PCDH15: variants seen among roughly 807,000 people sequenced by gnomAD.
PCDH15 encodes the protein protocadherin related 15, also known as protocadherin-15.
PCDH15 carries 129 observed loss-of-function variants against 178.5 expected under a neutral mutation model. That is an observed-to-expected ratio of 0.72 (90% CI 0.63 to 0.84). PCDH15 has a LOEUF of 0.84. Ranked by LOEUF, PCDH15 falls within the 40% of genes least tolerant of loss-of-function variation. The pLI is 0.00. For synonymous variants in PCDH15, 800 were observed against 732.0 expected (o/e 1.09, Z -1.50); for missense variants, 2,230 against 2,099.9 (o/e 1.06, Z -1.21).
chr10:55,593,974 G>A (rs961094831), intron 2 of PCDH15, among the ~76,000 whole-genome samples: 3 of 151,844 alleles, frequency 2.0e-5, no homozygotes, highest in African/African-American at 7.2e-5. Context: ...ATAGGAATTA[G>A]ATGTCAGACA....
At chr10:55,578,801 T>C (rs1842547748) in intron 2 of PCDH15, among the ~76,000 whole-genome samples, 1 of 152,088 alleles carries the variant, frequency 6.6e-6, no homozygotes, top group Non-Finnish European at 1.5e-5. Flanking sequence ...GCAAAAAAGA[T>C]AGTGTGCAGG....
At position 54,138,904 on chromosome 10, in the gene PCDH15, G is replaced by GT. The variant is rs370708653; in HGVS notation, c.1785-5898dup. Among the ~76,000 whole-genome samples, 481 of 150,724 alleles carry GT rather than the reference G, an allele frequency of 3.2e-3. 1 individual carries two copies. The highest frequency in any genetic ancestry group is 4.5e-3 in the Non-Finnish European group (303 of 67,600). On this transcript the variant is annotated intron_variant, in intron 14 of 37. Transcript: ENST00000644397. ...TGGTTTATGTATGTTCATGTATTACGTTTTTTTTTGTCTACCAAATTGGTT... is the reference window on the plus strand; with the variant it reads ...TGGTTTATGTATGTTCATGTATTACGTTTTTTTTTTGTCTACCAAATTGGTT...
intron 3 of PCDH15, among the ~76,000 whole-genome samples, chr10:54,450,130 A>AATATATATATATATATATATATATAT (rs10526141): frequency 2.2e-5 from 3 of 137,236 alleles, no homozygotes; most frequent in African/African-American, 8.3e-5. Context: ...CTTTTTTATA[A>AATATATATATATATATATATATATAT]ATATATATAT....
intron 2 of PCDH15, among the ~76,000 whole-genome samples, chr10:54,554,562 T>C (rs930427089): frequency 6.6e-6 from 1 of 152,070 alleles, no homozygotes; most frequent in East Asian, 1.9e-4. Context: ...GGAGAAAATA[T>C]TTTGGAGGCT....
intron 3 of PCDH15, among the ~76,000 whole-genome samples, chr10:54,392,046 T>A (rs1950600887): frequency 1.3e-5 from 2 of 152,220 alleles, no homozygotes; most frequent in Admixed American, 6.5e-5. Context: ...GTTTCCTTTA[T>A]GTGTCTGTAT....
intron 3 of PCDH15, among the ~76,000 whole-genome samples, chr10:54,438,388 T>G (rs1364568471): frequency 6.6e-6 from 1 of 150,872 alleles, no homozygotes; most frequent in Non-Finnish European, 1.5e-5. Flanking sequence ...CTGTGCTACC[T>G]ATTTGTTAAC....
At chr10:54,997,711 T>C (rs1839682764) in intron 2 of PCDH15, among the ~76,000 whole-genome samples, 1 of 152,188 alleles carries the variant, frequency 6.6e-6, no homozygotes, top group Non-Finnish European at 1.5e-5. Context: ...TAAAACCTAA[T>C]ATTTACAGGT....
chr10:54,455,114 A>G (rs111573105), intron 3 of PCDH15, among the ~76,000 whole-genome samples: 2,193 of 152,082 alleles, frequency 0.014, 58 homozygotes, highest in African/African-American at 0.051. Context: ...TCCCCTTCCA[A>G]TATGATTGTA....
intron 37 of PCDH15, among the ~76,000 whole-genome samples, chr10:53,807,662 GACTTT>G (rs10589774): frequency 0.06 from 9,176 of 151,948 alleles, 321 homozygotes; most frequent in East Asian, 0.11. Flanking sequence ...TTATTTACTT[GACTTT>G]ACTTATTTAC....
intron 13 of PCDH15, among the ~76,000 whole-genome samples, chr10:54,169,390 C>G (rs1484800105): frequency 1.5e-5 from 2 of 133,258 alleles, no homozygotes; most frequent in Non-Finnish European, 3.3e-5. Context: ...GCCTCCATAA[C>G]TGTTGTGGGT....
chr10:54,013,995 A>G (rs2092666998), intron 20 of PCDH15, among the ~76,000 whole-genome samples: 1 of 152,024 alleles, frequency 6.6e-6, no homozygotes, highest in East Asian at 1.9e-4. Context: ...AGAATTAATT[A>G]GATAGATGGA....
At position 53,822,420 on chromosome 10, in the gene PCDH15, G is replaced by A. The variant is rs2076343733; in HGVS notation, c.4368-2190C>T. The A allele has an allele frequency of 4.4e-6, 7 of 1,583,648 alleles. No individual in the cohort carries two copies. The East Asian group carries it at 1.7e-4, about 37-fold the overall frequency. The stretch of plus-strand genomic sequence containing the variant: ...AAAAAGAGAAAAAGGAGAAATGTCA[G>A]GAGGAGGAGCAAGAGGAGCAGGAGC... On this transcript the variant is annotated intron_variant, in intron 32 of 37. Coordinates refer to ENST00000644397, the MANE Select transcript of PCDH15 (RefSeq NM_001384140.1).
chr10:54,432,606 G>T (rs1957095744), intron 3 of PCDH15, among the ~76,000 whole-genome samples: 1 of 152,052 alleles, frequency 6.6e-6, no homozygotes, highest in Non-Finnish European at 1.5e-5. Context: ...TGAAATCTAA[G>T]ACTTCAAACT....
intron 1 of PCDH15, among the ~76,000 whole-genome samples, chr10:55,244,725 C>T (rs951691108): frequency 6.6e-6 from 1 of 151,202 alleles, no homozygotes; most frequent in African/African-American, 2.4e-5. Context: ...ACATGAGATA[C>T]ATTAATGTCA....
upstream of PCDH15, among the ~76,000 whole-genome samples, chr10:55,321,837 A>G (rs1482783524): frequency 6.6e-6 from 1 of 152,222 alleles, no homozygotes; most frequent in South Asian, 2.1e-4. Flanking sequence ...GACCTACCTT[A>G]CACAAGGATT....
intron 29 of PCDH15, among the ~76,000 whole-genome samples, chr10:53,837,761 A>G (rs749718870): frequency 6.1e-4 from 93 of 151,944 alleles, no homozygotes; most frequent in Middle Eastern, 6.8e-3. Flanking sequence ...ACACACACAC[A>G]CACACACATA....
rs552826078 is a variant in PCDH15, at chr10:55,484,616, C to G, written c.-156+143009G>C. ...GCCTTGAGCAAAAAGAACAAAGAGACAGCAAACTACCTGACTTCAAGAAAC... is the reference window on the plus strand; with the variant it reads ...GCCTTGAGCAAAAAGAACAAAGAGAGAGCAAACTACCTGACTTCAAGAAAC... On this transcript the variant is annotated intron_variant, in intron 2 of 5. Transcript: ENST00000613346. 2.6e-5 allele frequency among the ~76,000 whole-genome samples: 4 copies of G among 151,710 alleles called. No homozygotes were observed. The East Asian group carries it at 7.8e-4, about 30-fold the overall frequency.
intron 2 of PCDH15, among the ~76,000 whole-genome samples, chr10:54,965,186 T>TA (rs1339414924): frequency 6.6e-6 from 1 of 152,084 alleles, no homozygotes; most frequent in Non-Finnish European, 1.5e-5. Context: ...AGGTAGAAGG[T>TA]AAGGTAGTAT....
chr10:54,398,043 C>T (rs943425669), intron 3 of PCDH15, among the ~76,000 whole-genome samples: 11 of 151,892 alleles, frequency 7.2e-5, no homozygotes, highest in Admixed American at 5.9e-4. Context: ...TCATTGCTTA[C>T]TCAAAATACC....
Sources: gnomAD v4.1 joint callset for allele counts (sites outside exome capture counted in the v4.1 genomes callset) on GRCh38, gnomAD v4.1.1 for gene constraint, MANE v1.5 for transcripts, NCBI Gene and HGNC (gene_info 2026-07-23, HGNC 2026-07-21) for gene names.